Variants in GRIA4 observed in about 807,000 individuals in gnomAD.
GRIA4 encodes glutamate receptor 4.
Under a neutral mutation model 104.0 loss-of-function variants are expected in GRIA4, and 34 were observed. That is an observed-to-expected ratio of 0.33 (90% CI 0.25 to 0.44). The LOEUF (loss-of-function observed/expected upper bound fraction) is 0.44, where lower values mean the gene tolerates loss of function less well. GRIA4 is among the 20% of genes least tolerant of loss of function. GRIA4 has a pLI of 1.00. For missense variants in GRIA4, 750 were observed against 1,096.5 expected, an observed-to-expected ratio of 0.68 and a Z score of 4.46; for synonymous variants, 386 against 381.9, an observed-to-expected ratio of 1.01 and a Z score of -0.13.
chr11:105,614,072 A>T (rs755691980), intron 3 of GRIA4: 6 of 151,782 alleles, frequency 4.0e-5, no homozygotes, highest in Non-Finnish European at 7.4e-5. Context: ...TGTTTATTTA[A>T]ATATTTTTCT....
rs977158255 is a variant in GRIA4 at position 105,929,111 on chromosome 11, T to C, written c.2046+2172T>C. Among the ~76,000 whole-genome samples the C allele has an allele frequency of 3.9e-5, 6 of 152,206 alleles. No individual in the cohort carries two copies. In the East Asian group the frequency reaches 1.2e-3, roughly 29 times the overall value. ...CAGGAATGCATAAATTTGGGTTCTT[T>C]GATAAAAATCTCATTCATTTCCTAC... On this transcript the variant is annotated intron_variant, in intron 13 of 16. Coordinates refer to ENST00000282499, the MANE Select transcript of GRIA4 (RefSeq NM_000829.4).
intron 14 of GRIA4, among the ~76,000 whole-genome samples, chr11:105,942,376 G>A (rs1948203884): frequency 6.6e-6 from 1 of 151,896 alleles, no homozygotes; most frequent in South Asian, 2.1e-4. Flanking sequence ...GCTTAAATTT[G>A]GCTCATATAA....
chr11:105,757,760 T>C (rs1382378942), intron 4 of GRIA4, among the ~76,000 whole-genome samples: 2 of 152,096 alleles, frequency 1.3e-5, no homozygotes, highest in Non-Finnish European at 2.9e-5. Flanking sequence ...AGGTACTGAA[T>C]ATGAGATGAG....
At chr11:105,773,056 T>G (rs536381071) in intron 4 of GRIA4, among the ~76,000 whole-genome samples, 2 of 152,268 alleles carry the variant, frequency 1.3e-5, no homozygotes, top group South Asian at 4.1e-4. Flanking sequence ...CCACAGAGAA[T>G]TTTAAGCTAC....
chr11:105,977,371 G>A (rs1859035745), intron 16 of GRIA4, among the ~76,000 whole-genome samples: 1 of 151,908 alleles, frequency 6.6e-6, no homozygotes, highest in East Asian at 1.9e-4. Context: ...GACTCTGAGT[G>A]GTTTGGGGAC....
intron 4 of GRIA4, among the ~76,000 whole-genome samples, chr11:105,793,229 G>C (rs1591266016): frequency 6.6e-6 from 1 of 152,094 alleles, no homozygotes; most frequent in Admixed American, 6.6e-5. Context: ...ATGGAGTGAG[G>C]TCCAGAAAGT....
intron 3 of GRIA4, among the ~76,000 whole-genome samples, chr11:105,723,166 T>C (rs925913000): frequency 2.0e-5 from 3 of 150,658 alleles, no homozygotes; most frequent in Non-Finnish European, 4.4e-5. Flanking sequence ...GAGCAATCAA[T>C]GAGAAAGGAA....
intron 4 of GRIA4, among the ~76,000 whole-genome samples, chr11:105,846,996 G>A (rs1344596205): frequency 6.6e-6 from 1 of 152,134 alleles, no homozygotes; most frequent in Admixed American, 6.5e-5. Flanking sequence ...TTGGCACCGG[G>A]GACCGGTTTC....
At chr11:105,759,770 GTCT>G (rs1012911277) in intron 4 of GRIA4, among the ~76,000 whole-genome samples, 7 of 152,108 alleles carry the variant, frequency 4.6e-5, no homozygotes, top group African/African-American at 1.4e-4. Context: ...TCCTCTGGAA[GTCT>G]TCTTCCACAC....
chr11:105,826,078 C>CA (rs1943760244), intron 4 of GRIA4, among the ~76,000 whole-genome samples: 1 of 152,008 alleles, frequency 6.6e-6, no homozygotes, highest in Non-Finnish European at 1.5e-5. Context: ...CCAGCATACT[C>CA]AGACGTGTGT....
At chr11:105,839,119 C>T (rs1216821933) in intron 4 of GRIA4, among the ~76,000 whole-genome samples, 1 of 152,098 alleles carries the variant, frequency 6.6e-6, no homozygotes. Context: ...AGTTCCCTTC[C>T]TGTCTGACAT....
At chr11:105,666,729 CT>C (rs996545393) in intron 3 of GRIA4, among the ~76,000 whole-genome samples, 4 of 151,724 alleles carry the variant, frequency 2.6e-5, no homozygotes, top group Admixed American at 6.6e-5. Flanking sequence ...TACATACTGG[CT>C]TTCTTTCTTT....
chr11:105,833,427 A>G (rs1390415216), intron 4 of GRIA4, among the ~76,000 whole-genome samples: 1 of 152,032 alleles, frequency 6.6e-6, no homozygotes, highest in Non-Finnish European at 1.5e-5. Flanking sequence ...AATATAATGG[A>G]AGATCTATAG....
At chr11:105,706,145 C>A (rs1953690803) in intron 3 of GRIA4, among the ~76,000 whole-genome samples, 1 of 152,120 alleles carries the variant, frequency 6.6e-6, no homozygotes, top group African/African-American at 2.4e-5. Flanking sequence ...AAGTGTAATG[C>A]ATGTCAATTG....
In GRIA4 at chr11:105,924,786, T is replaced by C. The variant is rs1226066636; in HGVS notation, c.1847+17T>C. 1 of 1,553,956 alleles carries C rather than the reference T, an allele frequency of 6.4e-7. No individual in the cohort carries two copies. The highest frequency in any genetic ancestry group is 1.2e-5 in the South Asian group (1 of 85,298). On this transcript the variant is annotated intron_variant, in intron 12 of 16. Transcript: ENST00000282499. The stretch of plus-strand genomic sequence containing the variant: ...TTCACCCAGGTTAGTTTCAAATCTC[T>C]TAAGTTCTTCACTGATTTCCCAGTA...
intron 10 of GRIA4, among the ~76,000 whole-genome samples, chr11:105,911,196 A>G (rs1947223877): frequency 6.6e-6 from 1 of 152,110 alleles, no homozygotes; most frequent in African/African-American, 2.4e-5. Context: ...CTAAAAATTA[A>G]GAAGAATACG....
At chr11:105,620,402 T>A (rs1440851766) in intron 3 of GRIA4, among the ~76,000 whole-genome samples, 1 of 151,844 alleles carries the variant, frequency 6.6e-6, no homozygotes, top group African/African-American at 2.4e-5. Flanking sequence ...CCTCAAAGTA[T>A]CCAGGGCATC....
chr11:105,843,703 C>G (rs1319605661), intron 4 of GRIA4, among the ~76,000 whole-genome samples: 1 of 152,142 alleles, frequency 6.6e-6, no homozygotes, highest in African/African-American at 2.4e-5. Flanking sequence ...CTAGTAGTTT[C>G]ATAGGTTTCT....
intron 4 of GRIA4, among the ~76,000 whole-genome samples, chr11:105,841,807 C>T (rs1282913727): frequency 1.3e-5 from 2 of 151,912 alleles, no homozygotes; most frequent in African/African-American, 2.4e-5. Context: ...TGCAGTCTTC[C>T]GATTTAAACA....
Sources: allele counts gnomAD v4.1 joint callset (sites outside exome capture counted in the v4.1 genomes callset), GRCh38; gene constraint gnomAD v4.1.1; transcripts MANE v1.5; gene names NCBI Gene and HGNC (gene_info 2026-07-23, HGNC 2026-07-21).